Variants in DNAH6 observed in about 807,000 individuals in gnomAD.
The protein encoded by DNAH6 is dynein axonemal heavy chain 6.
In DNAH6, 340 loss-of-function variants were observed where a neutral mutation model predicts 491.4. The observed-to-expected ratio is 0.69, with a 90% CI of 0.63 to 0.76. The LOEUF is 0.76. Among genes scored for constraint, DNAH6 ranks in the 30% least tolerant of loss-of-function variants. The probability of loss-of-function intolerance (pLI) is 0.00; values close to 1 mark genes in which losing one functional copy is unlikely to be tolerated. For missense variants in DNAH6, 4,443 were observed against 4,972.2 expected (o/e 0.89, Z 3.20); for synonymous variants, 1,603 against 1,686.1 (o/e 0.95, Z 1.21).
At chr2:84,664,653 A>T (rs1191165632) in intron 37 of DNAH6, among the ~76,000 whole-genome samples, 1 of 152,194 alleles carries the variant, frequency 6.6e-6, no homozygotes, top group Non-Finnish European at 1.5e-5. Flanking sequence ...ATAATGGGAG[A>T]TTTTAACACC....
intron 42 of DNAH6, among the ~76,000 whole-genome samples, chr2:84,684,961 G>A (rs1377016721): frequency 6.6e-6 from 1 of 152,146 alleles, no homozygotes; most frequent in African/African-American, 2.4e-5. Flanking sequence ...GAGGAAAGTT[G>A]CAAGATAAGT....
At chr2:84,777,682 G>T in intron 64 of DNAH6, 1 of 814,254 alleles carries the variant, frequency 1.2e-6, no homozygotes. Flanking sequence ...GTTCCCCAAG[G>T]ACCTACCCAT....
chr2:84,569,617 A>G (rs947682969), intron 11 of DNAH6, among the ~76,000 whole-genome samples: 1 of 152,220 alleles, frequency 6.6e-6, no homozygotes, highest in Admixed American at 6.5e-5. Context: ...ACTTTTGAGC[A>G]CAGTATTTTG....
chr2:84,763,196 A>G (rs1489190026), intron 64 of DNAH6, among the ~76,000 whole-genome samples: 2 of 152,328 alleles, frequency 1.3e-5, no homozygotes, highest in Non-Finnish European at 2.9e-5. Context: ...TAGTGGAATA[A>G]TTATTGAAAT....
At chr2:84,505,122 ATG>A in the DNAH6 span, among the ~76,000 whole-genome samples, 7 of 152,164 alleles carry the variant, frequency 4.6e-5, no homozygotes, top group Non-Finnish European at 7.4e-5. Context: ...GCTATTATAC[ATG>A]GAATTGTTTT....
chr2:84,726,251 CAATAT>C (rs1698617844), intron 60 of DNAH6, among the ~76,000 whole-genome samples: 1 of 152,168 alleles, frequency 6.6e-6, no homozygotes, highest in Non-Finnish European at 1.5e-5. Flanking sequence ...TCACCATGAA[CAATAT>C]ATCTTGATCC....
chr2:84,550,779 C>T (rs1679264164), intron 9 of DNAH6, among the ~76,000 whole-genome samples: 1 of 152,010 alleles, frequency 6.6e-6, no homozygotes, highest in Non-Finnish European at 1.5e-5. Context: ...ATAAATGCTC[C>T]TTGTGGGCAT....
chr2:84,570,969 G>A (rs1346573220), intron 11 of DNAH6, among the ~76,000 whole-genome samples: 1 of 152,114 alleles, frequency 6.6e-6, no homozygotes, highest in Admixed American at 6.5e-5. Context: ...CCATCTTTAA[G>A]AGCTGTAACA....
At chr2:84,655,280 T>G (rs1180420509) in intron 35 of DNAH6, among the ~76,000 whole-genome samples, 1 of 152,166 alleles carries the variant, frequency 6.6e-6, no homozygotes, top group Non-Finnish European at 1.5e-5. Flanking sequence ...GTGCAAGACC[T>G]AAGACACATT....
intron 42 of DNAH6, among the ~76,000 whole-genome samples, chr2:84,684,582 T>C (rs529803613): frequency 6.6e-6 from 1 of 152,304 alleles, no homozygotes; most frequent in South Asian, 2.1e-4. Context: ...GTAGCATCAT[T>C]ATCTATAGAA....
At chr2:84,603,668 A>G (rs1685482170) in intron 18 of DNAH6, among the ~76,000 whole-genome samples, 1 of 151,912 alleles carries the variant, frequency 6.6e-6, no homozygotes, top group Admixed American at 6.6e-5. Context: ...CCTAGCACTT[A>G]TTTTTGTCCC....
intron 62 of DNAH6, among the ~76,000 whole-genome samples, chr2:84,737,416 T>A (rs1299173115): frequency 6.6e-6 from 1 of 152,116 alleles, no homozygotes; most frequent in East Asian, 1.9e-4. Context: ...CAGCTCTTCT[T>A]TGTACATCTG....
upstream of DNAH6, among the ~76,000 whole-genome samples, chr2:84,515,114 C>T (rs1047225707): frequency 2.6e-5 from 4 of 152,046 alleles, no homozygotes; most frequent in Non-Finnish European, 2.9e-5. Flanking sequence ...CTTTATGCTT[C>T]GATGTACTGA....
intron 18 of DNAH6, among the ~76,000 whole-genome samples, chr2:84,597,632 C>T (rs184656559): frequency 6.6e-6 from 1 of 152,160 alleles, no homozygotes; most frequent in East Asian, 1.9e-4. Flanking sequence ...TAATTGAAAA[C>T]GTGTGTTCAC....
intron 22 of DNAH6, among the ~76,000 whole-genome samples, chr2:84,614,211 A>G (rs1686607805): frequency 6.6e-6 from 1 of 151,984 alleles, no homozygotes; most frequent in Non-Finnish European, 1.5e-5. Context: ...CCACTTGCCT[A>G]AGTCCATTGT....
At chr2:84,513,061 G>T (rs879268263), upstream of DNAH6, among the ~76,000 whole-genome samples, 3 of 150,718 alleles carry the variant, frequency 2.0e-5, no homozygotes, top group Non-Finnish European at 1.5e-5. Context: ...GCCTTCTTTT[G>T]TATGAGGTAG....
chr2:84,568,254 T>C (rs1286071793), intron 11 of DNAH6, among the ~76,000 whole-genome samples: 1 of 152,118 alleles, frequency 6.6e-6, no homozygotes, highest in African/African-American at 2.4e-5. Context: ...CATTCTATTA[T>C]AAAGATATAT....
At position 84,530,993 on chromosome 2, in the gene DNAH6, C is replaced by T. The variant is rs566119770; in HGVS notation, c.662+1827C>T. Among the ~76,000 whole-genome samples the T allele has an allele frequency of 8.1e-4, 123 of 152,124 alleles. 1 individual carries two copies. Among genetic ancestry groups the T allele is most frequent in the Middle Eastern group, 3.4e-3 (1 of 294 alleles). ...CTGATGACATGTGCCCAAGGTAGTA[C>T]GGGCACAGCTTGGCTTTATACATTT... On this transcript the variant is annotated intron_variant, in intron 4 of 76. Coordinates refer to ENST00000389394, the MANE Select transcript of DNAH6 (RefSeq NM_001370.2).
chr2:84,548,207 T>G, intron 7 of DNAH6, 81 bp from the exon 8 acceptor site: 1 of 1,418,928 alleles, frequency 7.0e-7, no homozygotes, highest in Non-Finnish European at 9.4e-7. Flanking sequence ...TGAATTTTGT[T>G]TATCTTTTCT....
Sources: allele counts gnomAD v4.1 joint callset (sites outside exome capture counted in the v4.1 genomes callset), GRCh38; gene constraint gnomAD v4.1.1; transcripts MANE v1.5; gene names NCBI Gene and HGNC (gene_info 2026-07-23, HGNC 2026-07-21).